ROBO2: variants seen among roughly 807,000 people sequenced by gnomAD.
ROBO2 encodes roundabout guidance receptor 2, also known as roundabout homolog 2.
Under a neutral mutation model 160.8 loss-of-function variants are expected in ROBO2, and 53 were observed. The ratio of observed to expected loss-of-function variants is 0.33; its 90% CI spans 0.26 to 0.41. The LOEUF (loss-of-function observed/expected upper bound fraction) is 0.41, where lower values mean the gene tolerates loss of function less well. ROBO2 is among the 10% of genes least tolerant of loss of function. ROBO2 has a pLI of 1.00. For synonymous variants in ROBO2, 664 were observed against 611.7 expected, an observed-to-expected ratio of 1.09 and a Z score of -1.26; for missense variants, 1,577 against 1,722.4, an observed-to-expected ratio of 0.92 and a Z score of 1.49.
chr3:77,146,746 T>A (rs1466287894), intron 2 of ROBO2, among the ~76,000 whole-genome samples: 1 of 152,058 alleles, frequency 6.6e-6, no homozygotes, highest in African/African-American at 2.4e-5. Flanking sequence ...GGAGGGCAGA[T>A]CACTGAGATG....
intron 2 of ROBO2, among the ~76,000 whole-genome samples, chr3:76,190,115 T>C (rs1264020583): frequency 6.6e-6 from 1 of 152,168 alleles, no homozygotes; most frequent in Admixed American, 6.6e-5. Flanking sequence ...CTTTCAACTA[T>C]GCTGATGATC....
chr3:77,555,540 C>T (rs958672303), intron 8 of ROBO2, among the ~76,000 whole-genome samples: 15 of 151,418 alleles, frequency 9.9e-5, no homozygotes, highest in South Asian at 6.3e-4. Flanking sequence ...AAAAGACTTC[C>T]GCATTAGTTC....
At chr3:76,480,617 G>T (rs749837258) in intron 2 of ROBO2, among the ~76,000 whole-genome samples, 5 of 152,092 alleles carry the variant, frequency 3.3e-5, no homozygotes, top group African/African-American at 1.2e-4. Context: ...CTGTGTACTT[G>T]TTCATAAACA....
intron 2 of ROBO2, among the ~76,000 whole-genome samples, chr3:75,991,934 T>A (rs1216389281): frequency 6.6e-6 from 1 of 152,118 alleles, no homozygotes; most frequent in Non-Finnish European, 1.5e-5. Context: ...GCCCTAGAGA[T>A]TTGTGGAACT....
At chr3:76,482,372 G>A (rs746380316) in intron 2 of ROBO2, among the ~76,000 whole-genome samples, 3 of 152,044 alleles carry the variant, frequency 2.0e-5, no homozygotes, top group Non-Finnish European at 2.9e-5. Flanking sequence ...CCACCATGAC[G>A]ATGTGTGTTA....
chr3:76,816,421 A>G (rs2065671311), intron 2 of ROBO2, among the ~76,000 whole-genome samples: 1 of 152,120 alleles, frequency 6.6e-6, no homozygotes, highest in African/African-American at 2.4e-5. Flanking sequence ...CTCCATGAAT[A>G]GGTATAACAT....
At chr3:76,653,399 G>T (rs2109919535) in intron 2 of ROBO2, among the ~76,000 whole-genome samples, 1 of 150,294 alleles carries the variant, frequency 6.7e-6, no homozygotes, top group African/African-American at 2.4e-5. Flanking sequence ...TAATATATAT[G>T]AATATTAAAT....
intron 2 of ROBO2, among the ~76,000 whole-genome samples, chr3:76,534,397 C>A (rs1333719868): frequency 6.6e-6 from 1 of 152,060 alleles, no homozygotes; most frequent in African/African-American, 2.4e-5. Context: ...CGTACCAAAG[C>A]TTTTTGTCCC....
chr3:76,482,354 C>G (rs530998315), intron 2 of ROBO2, among the ~76,000 whole-genome samples: 1 of 152,158 alleles, frequency 6.6e-6, no homozygotes, highest in Admixed American at 6.6e-5. Flanking sequence ...TACAGCTACC[C>G]AGAACAGCCA....
intron 2 of ROBO2, among the ~76,000 whole-genome samples, chr3:76,336,197 A>T (rs938971480): frequency 7.2e-5 from 11 of 151,802 alleles, no homozygotes; most frequent in African/African-American, 2.7e-4. Flanking sequence ...ATGGTCCATG[A>T]TAACTTGAGA....
At chr3:77,396,739 A>G (rs1387558783) in intron 2 of ROBO2, among the ~76,000 whole-genome samples, 1 of 152,076 alleles carries the variant, frequency 6.6e-6, no homozygotes, top group Admixed American at 6.6e-5. Flanking sequence ...TCTTGCAATT[A>G]GTCAGTCAGC....
At position 76,055,457 on chromosome 3, in the gene ROBO2, TATACTCA is replaced by T. The variant is rs1202878769; in HGVS notation, c.109+117859_109+117865del. On this transcript the variant is annotated intron_variant, in intron 2 of 26. Transcript: ENST00000487694. ...CACCTGTCACCCAAATAGTGAACAT[TATACTCA>T]ATAGGCAGTTTATTAACCCTCATTC... 9.2e-5 allele frequency among the ~76,000 whole-genome samples: 14 copies of T among 152,304 alleles called. No homozygotes were observed. The East Asian group carries it at 2.1e-3, about 23-fold the overall frequency.
chr3:77,591,675 G>C (rs988483313), intron 17 of ROBO2, among the ~76,000 whole-genome samples: 1 of 152,112 alleles, frequency 6.6e-6, no homozygotes, highest in African/African-American at 2.4e-5. Flanking sequence ...AATTTTAGAT[G>C]CTAACAGAGA....
chr3:77,455,495 A>G (rs1054530040), intron 2 of ROBO2, among the ~76,000 whole-genome samples: 14 of 152,138 alleles, frequency 9.2e-5, no homozygotes, highest in Non-Finnish European at 1.8e-4. Flanking sequence ...GCAGTGGCAC[A>G]GTCTCAGCTC....
At chr3:77,023,009 C>G (rs114159590) in intron 2 of ROBO2, among the ~76,000 whole-genome samples, 1,928 of 152,230 alleles carry the variant, frequency 0.013, 54 homozygotes, top group African/African-American at 0.043. Flanking sequence ...ATAAATTTGA[C>G]TACTCTAGGA....
chr3:75,991,799 G>C (rs549506539), intron 2 of ROBO2, among the ~76,000 whole-genome samples: 1 of 152,150 alleles, frequency 6.6e-6, no homozygotes, highest in Non-Finnish European at 1.5e-5. Flanking sequence ...CTAAAATGCT[G>C]ATAATGATAC....
intron 2 of ROBO2, among the ~76,000 whole-genome samples, chr3:76,439,804 A>C (rs2076842161): frequency 6.6e-6 from 1 of 152,072 alleles, no homozygotes; most frequent in South Asian, 2.1e-4. Flanking sequence ...TAAGTATTAG[A>C]ATTTCCTCCT....
chr3:77,405,903 GA>G (rs1012453490), intron 2 of ROBO2, among the ~76,000 whole-genome samples: 2 of 152,176 alleles, frequency 1.3e-5, no homozygotes, highest in African/African-American at 4.8e-5. Flanking sequence ...TGTATGTCAT[GA>G]AAAGATAAAC....
rs550608320 is a variant in ROBO2, at chr3:76,741,742, A to G, written c.110-356272A>G. On this transcript the variant is annotated intron_variant, in intron 2 of 26. Coordinates refer to the ROBO2 transcript ENST00000487694. ...TTATCCATGGCATGACTTCATAGTC[A>G]TCAAAGATTAAATAACTGTATAATG... Among the ~76,000 whole-genome samples the G allele has an allele frequency of 1.1e-4, 17 of 152,186 alleles. No homozygotes were observed. In the East Asian group the frequency reaches 3.1e-3, roughly 28 times the overall value.
Sources: allele counts gnomAD v4.1 joint callset (sites outside exome capture counted in the v4.1 genomes callset), GRCh38; gene constraint gnomAD v4.1.1; transcripts MANE v1.5; gene names NCBI Gene and HGNC (gene_info 2026-07-23, HGNC 2026-07-21).